Variants in GRHL2 observed in about 807,000 individuals in gnomAD.
The protein encoded by GRHL2 is grainyhead-like protein 2 homolog.
In GRHL2, 21 loss-of-function variants were observed where a neutral mutation model predicts 83.8. The observed-to-expected ratio is 0.25, with a 90% CI of 0.18 to 0.36. GRHL2 has a LOEUF of 0.36. GRHL2 is among the 10% of genes least tolerant of loss of function. The pLI is 1.00. For synonymous variants in GRHL2, 280 were observed against 278.9 expected (o/e 1.00, Z -0.04); for missense variants, 623 against 781.8 (o/e 0.80, Z 2.42).
At position 101,587,373 on chromosome 8, in the gene GRHL2, G is replaced by A. The variant is rs139115928; in HGVS notation, c.1003+9854G>A. On this transcript the variant is annotated intron_variant, in intron 7 of 15. Transcript: ENST00000646743. The stretch of plus-strand genomic sequence containing the variant: ...TGACAGGGTAAAGCTGTCCTATAGA[G>A]ATACTGGTTTAGATGATGAGATTTC... Among the ~76,000 whole-genome samples, 212 of 152,270 alleles carry A rather than the reference G, an allele frequency of 1.4e-3. 1 individual carries two copies. The highest frequency in any genetic ancestry group is 1.6e-4 in the Non-Finnish European group (11 of 68,028).
rs551130669 is a variant in GRHL2 at position 101,522,996 on chromosome 8, G to A, written c.21-20245G>A. Among the ~76,000 whole-genome samples, 3 of 151,206 alleles carry A rather than the reference G, an allele frequency of 2.0e-5. No individual in the cohort carries two copies. The South Asian group carries it at 6.3e-4, about 32-fold the overall frequency. ...GCGATTTCTGCTCACTGCAACCTCC[G>A]CCTCCCTGGTTCAAGTGATTCTCGT... On this transcript the variant is annotated intron_variant, in intron 1 of 15. Transcript: ENST00000646743.
chr8:101,614,400 AATAAATTGTGTGCT>A (rs1812813762), intron 8 of GRHL2, among the ~76,000 whole-genome samples: 1 of 151,168 alleles, frequency 6.6e-6, no homozygotes, highest in Non-Finnish European at 1.5e-5. Context: ...TTTCTTAAAA[AATAAATTGTGTGCT>A]ATTAGCATTA....
intron 9 of GRHL2, among the ~76,000 whole-genome samples, chr8:101,624,357 G>C (rs1813033483): frequency 6.6e-6 from 1 of 151,026 alleles, no homozygotes; most frequent in Non-Finnish European, 1.5e-5. Context: ...GTACACAGTA[G>C]AACAGTGTAG....
At chr8:101,637,271 G>T (rs914306473) in intron 12 of GRHL2, among the ~76,000 whole-genome samples, 6 of 151,998 alleles carry the variant, frequency 3.9e-5, no homozygotes, top group Admixed American at 2.6e-4. Context: ...CTTACCTATT[G>T]TTTGGCCCCA....
chr8:101,506,375 C>G (rs1810340366), intron 1 of GRHL2, among the ~76,000 whole-genome samples: 1 of 152,118 alleles, frequency 6.6e-6, no homozygotes, highest in Non-Finnish European at 1.5e-5. Context: ...AATACTTTGT[C>G]TTTTCTTACA....
At chr8:101,637,467 A>T (rs189980822) in intron 12 of GRHL2, among the ~76,000 whole-genome samples, 6 of 152,350 alleles carry the variant, frequency 3.9e-5, no homozygotes, top group Admixed American at 6.5e-5. Flanking sequence ...GGTAAGAGAC[A>T]GTCACAGAGA....
At chr8:101,671,249 T>G (rs550010351), downstream of GRHL2, among the ~76,000 whole-genome samples, 1 of 151,904 alleles carries the variant, frequency 6.6e-6, no homozygotes, top group African/African-American at 2.4e-5. Context: ...GCGCAAGGGG[T>G]CAGGGAGTTC....
intron 1 of GRHL2, among the ~76,000 whole-genome samples, chr8:101,509,157 C>CCTTCCTTT (rs1554581567): frequency 1.1e-3 from 30 of 27,394 alleles, no homozygotes; most frequent in Admixed American, 1.5e-3. Flanking sequence ...TTCCTTCCTT[C>CCTTCCTTT]CTTTCTTTCT....
intron 2 of GRHL2, among the ~76,000 whole-genome samples, chr8:101,550,639 T>A (rs1283672765): frequency 2.0e-5 from 3 of 152,238 alleles, no homozygotes; most frequent in African/African-American, 4.8e-5. Flanking sequence ...TTAACCATTA[T>A]TAAGTGTCCA....
intron 11 of GRHL2, among the ~76,000 whole-genome samples, chr8:101,636,219 T>G (rs1813282336): frequency 6.6e-6 from 1 of 152,216 alleles, no homozygotes; most frequent in African/African-American, 2.4e-5. Context: ...CATAATTTCT[T>G]TAATCTGATT....
rs919978769 is a variant in GRHL2 at position 101,549,718 on chromosome 8, T to G, written c.217-2997T>G. Reference sequence around the variant, plus strand: ...GGCCACATCTCCCCCAACTCATTCCTCACGTGGGACATGCCTTCCTTGTTC... The same window carrying G: ...GGCCACATCTCCCCCAACTCATTCCGCACGTGGGACATGCCTTCCTTGTTC... On this transcript the variant is annotated intron_variant, in intron 2 of 15. Coordinates refer to ENST00000646743, the MANE Select transcript of GRHL2 (RefSeq NM_024915.4). Among the ~76,000 whole-genome samples, 5 of 152,146 alleles carry G rather than the reference T, an allele frequency of 3.3e-5. No individual in the cohort carries two copies. The South Asian group carries it at 1.0e-3, about 32-fold the overall frequency.
At chr8:101,566,805 A>T (rs1290237940) in intron 4 of GRHL2, among the ~76,000 whole-genome samples, 2 of 151,896 alleles carry the variant, frequency 1.3e-5, no homozygotes, top group African/African-American at 2.4e-5. Flanking sequence ...TGATGAGCTC[A>T]TATAGAACTT....
chr8:101,576,295 C>A (rs1811931976), intron 6 of GRHL2, among the ~76,000 whole-genome samples: 4 of 152,144 alleles, frequency 2.6e-5, no homozygotes, highest in African/African-American at 9.7e-5. Context: ...CTCATTGAAG[C>A]CTCAACCTCC....
chr8:101,544,587 A>G (rs1237167439), intron 2 of GRHL2, among the ~76,000 whole-genome samples: 1 of 152,192 alleles, frequency 6.6e-6, no homozygotes, highest in Admixed American at 6.5e-5. Context: ...GCCTGCCTTG[A>G]TTGTAAACAC....
At chr8:101,625,119 C>A (rs1426416905) in intron 9 of GRHL2, among the ~76,000 whole-genome samples, 1 of 151,846 alleles carries the variant, frequency 6.6e-6, no homozygotes, top group African/African-American at 2.4e-5. Flanking sequence ...ATTTGAATTC[C>A]CTTACTTTAT....
Position 101,577,503 on chromosome 8 carries a change from G to A in GRHL2, c.987G>A (p.Gln329=), listed in dbSNP as rs200745936. 77 of 1,612,646 alleles carry A rather than the reference G, an allele frequency of 4.8e-5. 1 individual carries two copies. Among genetic ancestry groups the A allele is most frequent in the Middle Eastern group, 3.3e-4 (2 of 6,062 alleles). Residue 329 remains glutamine, a synonymous_variant, in exon 7 of 16, where the codon CAG becomes CAA. Coordinates refer to ENST00000646743, the MANE Select transcript of GRHL2 (RefSeq NM_024915.4). ...ACTCTCGGCAGCATACGGCGAAGCA[G>A]AGGGTCCTTGACATTGGTAAGTTGA... The part of the protein sequence containing the change: ...YWHSRQHTAK[Q]RVLDIADYKE...
intron 8 of GRHL2, among the ~76,000 whole-genome samples, chr8:101,614,935 A>G (rs1482786035): frequency 1.3e-5 from 2 of 152,204 alleles, no homozygotes; most frequent in African/African-American, 4.8e-5. Flanking sequence ...GGCAAGAGGA[A>G]ACAATGCCAA....
intron 1 of GRHL2, among the ~76,000 whole-genome samples, chr8:101,532,668 TG>T (rs1482370796): frequency 1.7e-4 from 26 of 151,530 alleles, no homozygotes; most frequent in African/African-American, 5.8e-4. Flanking sequence ...GCAGGAGAAT[TG>T]CTTGAACCTG....
At chr8:101,507,876 C>T (rs985240395) in intron 1 of GRHL2, among the ~76,000 whole-genome samples, 1 of 138,888 alleles carries the variant, frequency 7.2e-6, no homozygotes, top group Non-Finnish European at 1.5e-5. Flanking sequence ...CTCCCGGGTT[C>T]AAGCAATTTT....
Sources: allele counts gnomAD v4.1 joint callset (sites outside exome capture counted in the v4.1 genomes callset), GRCh38; gene constraint gnomAD v4.1.1; transcripts MANE v1.5; gene names NCBI Gene and HGNC (gene_info 2026-07-23, HGNC 2026-07-21).